PPP3CA: variants seen among roughly 807,000 people sequenced by gnomAD.
The protein encoded by PPP3CA is protein phosphatase 3 catalytic subunit alpha.
Under a neutral mutation model 66.5 loss-of-function variants are expected in PPP3CA, and 14 were observed. The ratio of observed to expected loss-of-function variants is 0.21; its 90% confidence interval spans 0.14 to 0.33. The LOEUF (loss-of-function observed/expected upper bound fraction) is 0.33, where lower values mean the gene tolerates loss of function less well. PPP3CA is among the 10% of genes least tolerant of loss of function. The pLI, the probability that PPP3CA is intolerant of heterozygous loss-of-function variation, is 1.00. For synonymous variants in PPP3CA, 232 were observed against 226.2 expected (o/e 1.03, Z -0.23); for missense variants, 317 against 639.5 (o/e 0.50, Z 5.44).
chr4:101,256,269 C>T (rs1726840012), intron 1 of PPP3CA, among the ~76,000 whole-genome samples: 1 of 151,914 alleles, frequency 6.6e-6, no homozygotes, highest in African/African-American at 2.4e-5. Context: ...CATCTAATGT[C>T]TGAAGAGACT....
chr4:101,269,275 T>C (rs1202026423), intron 1 of PPP3CA, among the ~76,000 whole-genome samples: 1 of 152,042 alleles, frequency 6.6e-6, no homozygotes, highest in Admixed American at 6.6e-5. Context: ...CTAGCAACAA[T>C]CATGCCACTA....
At chr4:101,286,418 A>G (rs954418541) in intron 1 of PPP3CA, among the ~76,000 whole-genome samples, 6 of 152,242 alleles carry the variant, frequency 3.9e-5, no homozygotes, top group Non-Finnish European at 5.9e-5. Flanking sequence ...ATACTTGCAT[A>G]TACTATGGAA....
intron 2 of PPP3CA, among the ~76,000 whole-genome samples, chr4:101,150,499 T>G (rs1376978752): frequency 1.3e-5 from 2 of 152,194 alleles, no homozygotes; most frequent in African/African-American, 2.4e-5. Flanking sequence ...ACTTTGCTAG[T>G]GAGAGAACAT....
intron 1 of PPP3CA, among the ~76,000 whole-genome samples, chr4:101,276,865 C>A (rs974474339): frequency 1.3e-5 from 2 of 151,330 alleles, no homozygotes. Flanking sequence ...GCTGAGCCAG[C>A]GTTGATACGT....
At chr4:101,098,250 C>T in intron 5 of PPP3CA, 117 bp downstream of exon 5, 1 of 1,183,482 alleles carries the variant, frequency 8.4e-7, no homozygotes, top group Non-Finnish European at 1.1e-6. Flanking sequence ...TTCATGACCA[C>T]TTTAAATTAT....
intron 1 of PPP3CA, among the ~76,000 whole-genome samples, chr4:101,271,311 G>A (rs1054727470): frequency 6.6e-6 from 1 of 151,918 alleles, no homozygotes; most frequent in African/African-American, 2.4e-5. Flanking sequence ...TAATTATTTC[G>A]ATTCAACCAA....
At chr4:101,109,220 G>A in intron 2 of PPP3CA, 142 bp from the exon 3 acceptor site, 1 of 811,624 alleles carries the variant, frequency 1.2e-6, no homozygotes. Context: ...AAGTACGACA[G>A]AAAAGCTAAG....
intron 1 of PPP3CA, among the ~76,000 whole-genome samples, chr4:101,275,238 CTAACT>C (rs545556461): frequency 4.2e-4 from 64 of 152,306 alleles, no homozygotes; most frequent in African/African-American, 1.5e-3. Flanking sequence ...CCTTCTCTCA[CTAACT>C]TATTTGGTTA....
intron 1 of PPP3CA, among the ~76,000 whole-genome samples, chr4:101,331,791 G>A (rs1462115740): frequency 1.3e-5 from 2 of 152,022 alleles, no homozygotes; most frequent in African/African-American, 4.8e-5. Flanking sequence ...AAATAAATTG[G>A]AGACTTAAAA....
At position 101,023,782 on chromosome 4, in the gene PPP3CA, T is replaced by C. The variant is rs1212352243; in HGVS notation, c.*2083A>G. On this transcript the variant is annotated 3_prime_UTR_variant, in exon 14 of 14. Coordinates refer to ENST00000394854, the MANE Select transcript of PPP3CA (RefSeq NM_000944.5). Reference sequence around the variant, plus strand: ...TAATTGCCATATTCTTATTATTTAATATAACAGGCATACTTTATTATATAA... The same window carrying C: ...TAATTGCCATATTCTTATTATTTAACATAACAGGCATACTTTATTATATAA... The C allele has an allele frequency of 1.3e-5, 2 of 152,654 alleles. No homozygotes were observed. Among genetic ancestry groups the C allele is most frequent in the Admixed American group, 6.5e-5 (1 of 15,282 alleles). 9.5% of individuals were successfully genotyped at this position (152,654 alleles called of 1,614,324 possible). A position where few individuals can be genotyped will look rare whatever the true frequency, so the allele number is the denominator to read the frequency against.
chr4:101,226,518 C>T (rs537249924), intron 1 of PPP3CA, among the ~76,000 whole-genome samples: 21 of 151,780 alleles, frequency 1.4e-4, no homozygotes, highest in Admixed American at 1.1e-3. Flanking sequence ...ATCCTTTCAA[C>T]AGCTGTCAAA....
intron 2 of PPP3CA, among the ~76,000 whole-genome samples, chr4:101,191,768 T>C (rs1341077692): frequency 6.6e-6 from 1 of 152,152 alleles, no homozygotes; most frequent in Non-Finnish European, 1.5e-5. Flanking sequence ...AGGGAAGGAC[T>C]GCCATGACCT....
chr4:101,129,274 C>T (rs1290983631), intron 2 of PPP3CA, among the ~76,000 whole-genome samples: 1 of 152,180 alleles, frequency 6.6e-6, no homozygotes, highest in East Asian at 1.9e-4. Flanking sequence ...AAACTCCCAT[C>T]TCCCTGGGAC....
intron 1 of PPP3CA, among the ~76,000 whole-genome samples, chr4:101,303,840 G>A (rs1202420608): frequency 6.6e-6 from 1 of 152,050 alleles, no homozygotes; most frequent in Non-Finnish European, 1.5e-5. Context: ...CCAATTTGAT[G>A]GGATAAAAAT....
chr4:101,153,571 G>A (rs547465612), intron 2 of PPP3CA, among the ~76,000 whole-genome samples: 24 of 152,234 alleles, frequency 1.6e-4, no homozygotes, highest in Admixed American at 3.3e-4. Flanking sequence ...AAAGAATCAC[G>A]TCAACAAAGA....
intron 1 of PPP3CA, among the ~76,000 whole-genome samples, chr4:101,327,663 A>G (rs1453563671): frequency 6.6e-6 from 1 of 151,964 alleles, no homozygotes; most frequent in Non-Finnish European, 1.5e-5. Context: ...CATTCAAATT[A>G]GCTGTATATG....
At chr4:101,102,994 T>C (rs1730515025) in intron 3 of PPP3CA, among the ~76,000 whole-genome samples, 2 of 152,306 alleles carry the variant, frequency 1.3e-5, no homozygotes, top group African/African-American at 2.4e-5. Context: ...ATATGAAAGA[T>C]GGAGCATCCT....
chr4:101,110,720 A>C lies in PPP3CA; in HGVS notation c.260-1642T>G, dbSNP rs189501285. Reference sequence around the variant, plus strand: ...AGCAAATAAATCCATATTCTGAGGCATTGAGAAGTTGGTTTGTGAGAGACA... The same window carrying C: ...AGCAAATAAATCCATATTCTGAGGCCTTGAGAAGTTGGTTTGTGAGAGACA... On this transcript the variant is annotated intron_variant, in intron 2 of 13. Transcript: ENST00000394854. Among the ~76,000 whole-genome samples, 10 of 152,276 alleles carry C rather than the reference A, an allele frequency of 6.6e-5. No individual in the cohort carries two copies. The East Asian group carries it at 1.9e-3, about 29-fold the overall frequency.
At chr4:101,218,874 A>G (rs1165159712) in intron 1 of PPP3CA, among the ~76,000 whole-genome samples, 3 of 152,050 alleles carry the variant, frequency 2.0e-5, no homozygotes, top group Non-Finnish European at 4.4e-5. Flanking sequence ...ACAAGTGAAA[A>G]ATACAAGAAT....
Sources: gnomAD v4.1 joint callset for allele counts (sites outside exome capture counted in the v4.1 genomes callset) on GRCh38, gnomAD v4.1.1 for gene constraint, MANE v1.5 for transcripts, NCBI Gene and HGNC (gene_info 2026-07-23, HGNC 2026-07-21) for gene names.